Variants in SLC22A23 observed in about 807,000 individuals in gnomAD.
SLC22A23 encodes solute carrier family 22 member 23, also known as ion transporter protein.
Under a neutral mutation model 61.0 loss-of-function variants are expected in SLC22A23, and 26 were observed. That is an observed-to-expected ratio of 0.43 (90% CI 0.31 to 0.59). The LOEUF is 0.59. Among genes scored for constraint, SLC22A23 ranks in the 20% least tolerant of loss-of-function variants. SLC22A23 has a pLI of 0.11. For synonymous variants in SLC22A23, 430 were observed against 413.9 expected, an observed-to-expected ratio of 1.04 and a Z score of -0.47; for missense variants, 796 against 934.7, an observed-to-expected ratio of 0.85 and a Z score of 1.94.
At chr6:3,399,064 G>A (rs1053406566) in intron 3 of SLC22A23, among the ~76,000 whole-genome samples, 11 of 141,938 alleles carry the variant, frequency 7.7e-5, no homozygotes, top group Admixed American at 3.4e-4. Flanking sequence ...CCGAAAAAAC[G>A]AAAAACACTC....
intron 3 of SLC22A23, among the ~76,000 whole-genome samples, chr6:3,376,645 T>C (rs1001519868): frequency 5.3e-5 from 8 of 152,224 alleles, no homozygotes; most frequent in South Asian, 4.1e-4. Flanking sequence ...CATTCGCTTA[T>C]TTTACAAGCA....
intron 5 of SLC22A23, 136 bp from the exon 6 acceptor site, chr6:3,290,002 T>C (rs540029907): frequency 1.8e-5 from 12 of 650,480 alleles, no homozygotes; most frequent in African/African-American, 7.5e-5. Context: ...TTTTTTTTTT[T>C]GCCAGTGGAT....
In SLC22A23 at chr6:3,456,502, G is replaced by C; in HGVS notation, c.58C>G (p.Pro20Ala). The change falls in exon 1 of 10, where the codon CCG (proline) becomes GCG (alanine). Residue 20 changes from proline (P) to alanine (A), a missense_variant. Coordinates refer to ENST00000406686, the MANE Select transcript of SLC22A23 (RefSeq NM_015482.2). The surrounding 1 kb of genome is among the most constrained non-coding windows in gnomAD (Gnocchi z 7.1). ...AGGGPGRQPA[P>A]AEENGSLPPG... ...GGCAGGGAGCCGTTCTCCTCGGCCG[G>C]GGCCGGCTGCCGCCCAGGCCCGCCG... is the stretch of plus-strand genomic sequence containing the variant. 3 of 1,059,542 alleles carry C rather than the reference G, an allele frequency of 2.8e-6. No homozygotes were observed. The highest frequency in any genetic ancestry group is 3.4e-6 in the Non-Finnish European group (3 of 879,902). The allele number at this position is 1,059,542 out of a possible 1,614,324, so 65.6% of individuals were successfully genotyped here. A position where few individuals can be genotyped will look rare whatever the true frequency, so the allele number is the denominator to read the frequency against.
At chr6:3,393,879 G>A (rs1767828966) in intron 3 of SLC22A23, among the ~76,000 whole-genome samples, 1 of 152,220 alleles carries the variant, frequency 6.6e-6, no homozygotes, top group Non-Finnish European at 1.5e-5. Context: ...AGGCCCTGGA[G>A]ATGGTGTGGC....
At chr6:3,451,900 C>G (rs80167043) in intron 1 of SLC22A23, among the ~76,000 whole-genome samples, 1,753 of 152,234 alleles carry the variant, frequency 0.012, 31 homozygotes, top group African/African-American at 0.04. Flanking sequence ...GAAACTGTAT[C>G]GATAAGGGCT....
chr6:3,296,808 G>A (rs899528362), intron 5 of SLC22A23, among the ~76,000 whole-genome samples: 1 of 152,120 alleles, frequency 6.6e-6, no homozygotes, highest in Non-Finnish European at 1.5e-5. Context: ...GCTGAGCTAC[G>A]GCAGCACCAA....
chr6:3,291,028 CACG>C (rs1760539950), intron 5 of SLC22A23: 1 of 152,310 alleles, frequency 6.6e-6, no homozygotes, highest in South Asian at 2.1e-4. Flanking sequence ...TCATGGAAAG[CACG>C]ATGATGGGAG....
At chr6:3,323,608 G>C (rs1202894399) in intron 4 of SLC22A23, 20 of 603,892 alleles carry the variant, frequency 3.3e-5, no homozygotes, top group Non-Finnish European at 2.9e-6. Context: ...TTGGAGCTGG[G>C]TGATGGGCTC....
chr6:3,411,022 C>T (rs1769195610), intron 2 of SLC22A23, among the ~76,000 whole-genome samples: 1 of 152,146 alleles, frequency 6.6e-6, no homozygotes, highest in Non-Finnish European at 1.5e-5. Flanking sequence ...TCTCTGGAAA[C>T]GGCCACAGAT....
intron 3 of SLC22A23, among the ~76,000 whole-genome samples, chr6:3,392,966 G>A (rs1243513567): frequency 3.3e-5 from 5 of 152,174 alleles, no homozygotes; most frequent in African/African-American, 1.2e-4. Context: ...CACAGAGAGT[G>A]TAGATGGAGA....
chr6:3,401,706 G>A (rs1030506155), intron 3 of SLC22A23, among the ~76,000 whole-genome samples: 1 of 152,096 alleles, frequency 6.6e-6, no homozygotes, highest in African/African-American at 2.4e-5. Flanking sequence ...CCACACAGTC[G>A]GTTCCTCCCT....
At chr6:3,371,974 T>C (rs1451602749) in intron 3 of SLC22A23, among the ~76,000 whole-genome samples, 2 of 152,186 alleles carry the variant, frequency 1.3e-5, no homozygotes, top group Admixed American at 6.5e-5. Context: ...GGATGCATCT[T>C]AGAATCAATA....
At position 3,273,012 on chromosome 6, in the gene SLC22A23, C is replaced by T; in HGVS notation, c.*43G>A. On this transcript the variant is annotated 3_prime_UTR_variant, in exon 10 of 10. Coordinates refer to ENST00000406686, the MANE Select transcript of SLC22A23 (RefSeq NM_015482.2). ...GGTCCCTGGTCTGTAAACCTGTGCC[C>T]AAGCTGCCCCAGACCCTGGAGCCCC... 4 of 1,489,260 alleles carry T rather than the reference C, an allele frequency of 2.7e-6. No individual in the cohort carries two copies. Among genetic ancestry groups the T allele is most frequent in the Admixed American group, 2.2e-5 (1 of 44,862 alleles). The allele number at this position is 1,489,260 out of a possible 1,614,324, so 92.3% of individuals were successfully genotyped here.
At chr6:3,353,666 C>T (rs1226099325) in intron 3 of SLC22A23, among the ~76,000 whole-genome samples, 3 of 152,178 alleles carry the variant, frequency 2.0e-5, no homozygotes, top group South Asian at 2.1e-4. Flanking sequence ...GGGCTGTGCT[C>T]GCCTCGTCCC....
At position 3,386,916 on chromosome 6, in the gene SLC22A23, C is replaced by T. The variant is rs1767349177; in HGVS notation, c.913+23272G>A. On this transcript the variant is annotated intron_variant, in intron 3 of 9. Coordinates refer to ENST00000406686, the MANE Select transcript of SLC22A23 (RefSeq NM_015482.2). This position sits in a 1 kb window ranked among gnomAD's most constrained non-coding sequence, Gnocchi z 4.4. ...GGGTGCAGCAGGCCTTTCTCTGGTT[C>T]GTCACTCAGACCACCACTCCAGCCT... Among the ~76,000 whole-genome samples, 1 of 152,236 alleles carries T rather than the reference C, an allele frequency of 6.6e-6. No individual in the cohort carries two copies. The highest frequency in any genetic ancestry group is 1.5e-5 in the Non-Finnish European group (1 of 68,040).
intron 1 of SLC22A23, chr6:3,439,192 C>A: frequency 2.8e-6 from 1 of 359,318 alleles, no homozygotes; most frequent in Admixed American, 3.6e-5. Context: ...TGCCTCTACC[C>A]ACCAGGCGCC....
chr6:3,350,247 T>G lies in SLC22A23; in HGVS notation c.914-26245A>C, dbSNP rs148137612. 4.6e-5 allele frequency among the ~76,000 whole-genome samples: 7 copies of G among 152,312 alleles called. No homozygotes were observed. The East Asian group carries it at 1.3e-3, about 29-fold the overall frequency. The stretch of plus-strand genomic sequence containing the variant: ...CCTTAACCCAAGCCCTAATGTGTCA[T>G]AAACTACAGTTTTAAAAGCTGCTCT... On this transcript the variant is annotated intron_variant, in intron 3 of 9. Coordinates refer to ENST00000406686, the MANE Select transcript of SLC22A23 (RefSeq NM_015482.2).
intron 3 of SLC22A23, among the ~76,000 whole-genome samples, chr6:3,326,583 G>C (rs1304746637): frequency 6.6e-6 from 1 of 152,188 alleles, no homozygotes; most frequent in Admixed American, 6.5e-5. Flanking sequence ...GTTTTTGCTA[G>C]GAATCCTAGC....
At chr6:3,306,809 T>C (rs1342917590) in intron 4 of SLC22A23, among the ~76,000 whole-genome samples, 1 of 152,216 alleles carries the variant, frequency 6.6e-6, no homozygotes, top group African/African-American at 2.4e-5. Flanking sequence ...TTTTTCTCTT[T>C]GCTTCTAAAG....
Sources: allele counts gnomAD v4.1 joint callset (sites outside exome capture counted in the v4.1 genomes callset), GRCh38; gene constraint gnomAD v4.1.1; non-coding constraint Gnocchi (gnomAD v3.1); transcripts MANE v1.5; gene names NCBI Gene and HGNC (gene_info 2026-07-23, HGNC 2026-07-21).